The following ARSG variants were observed in gnomAD, a reference collection of about 807,000 sequenced individuals.
ARSG encodes the protein ASG.
In ARSG, 37 loss-of-function variants were observed where a neutral mutation model predicts 50.5. The observed-to-expected ratio is 0.73, with a 90% CI of 0.56 to 0.96. The LOEUF (loss-of-function observed/expected upper bound fraction) is 0.96, where lower values mean the gene tolerates loss of function less well. Ranked by LOEUF, ARSG falls within the 50% of genes least tolerant of loss-of-function variation. The probability of loss-of-function intolerance (pLI) is 0.00; values close to 1 mark genes in which losing one functional copy is unlikely to be tolerated. For missense variants in ARSG, 629 were observed against 675.3 expected (o/e 0.93, Z 0.76); for synonymous variants, 225 against 254.6 (o/e 0.88, Z 1.11).
rs781947096 is a variant in ARSG at position 68,271,377 on chromosome 17, C to T, written c.-552+11951C>T. The T allele has an allele frequency of 9.3e-6, 15 of 1,614,122 alleles. No individual in the cohort carries two copies. The highest frequency in any genetic ancestry group is 4.5e-5 in the East Asian group (2 of 44,896). ...CCAGGACCTGCTGCATGTCGGCCTT[C>T]GGCTCCAGTTCCAGGTTAGTGTGAG... On this transcript the variant is annotated intron_variant, in intron 1 of 11. Coordinates refer to the ARSG transcript ENST00000448504. The surrounding 1 kb of genome is among the most constrained non-coding windows in gnomAD (Gnocchi z 5.3).
the ARSG span, among the ~76,000 whole-genome samples, chr17:68,435,115 G>A: frequency 6.6e-6 from 1 of 151,696 alleles, no homozygotes; most frequent in Non-Finnish European, 1.5e-5. Flanking sequence ...GCTGAGGCAG[G>A]AGAATCACTT....
At chr17:68,390,567 G>T (rs2080943585) in intron 9 of ARSG, among the ~76,000 whole-genome samples, 1 of 152,012 alleles carries the variant, frequency 6.6e-6, no homozygotes, top group South Asian at 2.1e-4. Context: ...TCCCATCAGA[G>T]GCTGGGAACC....
chr17:68,439,266 G>A, the ARSG span, among the ~76,000 whole-genome samples: 1 of 152,132 alleles, frequency 6.6e-6, no homozygotes, highest in African/African-American at 2.4e-5. Context: ...AAGAAAATGT[G>A]ATATATTTTT....
intron 9 of ARSG, among the ~76,000 whole-genome samples, 177 bp from the exon 10 acceptor site, chr17:68,394,896 T>C (rs2081165161): frequency 6.6e-6 from 1 of 152,110 alleles, no homozygotes; most frequent in Non-Finnish European, 1.5e-5. Flanking sequence ...CTGCCTCTTG[T>C]AGGAGCAGAA....
rs781839382 is a variant in ARSG at position 68,307,498 on chromosome 17, G to C, written c.5G>C (p.Gly2Ala). The C allele has an allele frequency of 6.2e-7, 1 of 1,613,320 alleles. No individual in the cohort carries two copies. Among genetic ancestry groups the C allele is most frequent in the Non-Finnish European group, 8.5e-7 (1 of 1,179,456 alleles). MGWLFLKVLLAG... is the reference protein window; with the variant it reads MAWLFLKVLLAG... ...CGGAATCCTGCCTTCACCACCATGG[G>C]CTGGCTTTTTCTAAAGGTTTTGTTG... The change falls in exon 2 of 12, where the codon GGC (glycine) becomes GCC (alanine). Residue 2 changes from glycine to alanine, a missense_variant. Gly to Ala is a moderately conservative substitution (Grantham distance 60). Transcript: ENST00000621439.
intron 2 of ARSG, among the ~76,000 whole-genome samples, chr17:68,326,507 A>G (rs116363297): frequency 6.6e-6 from 1 of 152,090 alleles, no homozygotes; most frequent in African/African-American, 2.4e-5. Context: ...TCTACTCTAA[A>G]TACAAAAATT....
chr17:68,291,303 C>G (rs1434379811), upstream of ARSG: 1 of 146,466 alleles, frequency 6.8e-6, no homozygotes, highest in African/African-American at 2.5e-5. Context: ...ACCCTCCCCC[C>G]GCCCCCCACC....
Position 68,271,788 on chromosome 17 carries a change from A to G in ARSG, c.-552+12362A>G, listed in dbSNP as rs2075348227. The G allele has an allele frequency of 4.5e-6, 3 of 668,650 alleles. No individual in the cohort carries two copies. Among genetic ancestry groups the G allele is most frequent in the African/African-American group, 3.6e-5 (2 of 54,832 alleles). 41.4% of individuals were successfully genotyped at this position (668,650 alleles called of 1,614,324 possible). ...GTGGAAATTTATTATACTCAGCAGTATGAATGTACTCAATCTTTATTTATT... is the reference window on the plus strand; with the variant it reads ...GTGGAAATTTATTATACTCAGCAGTGTGAATGTACTCAATCTTTATTTATT... On this transcript the variant is annotated intron_variant, in intron 1 of 11. Transcript: ENST00000448504. The surrounding 1 kb of genome is among the most constrained non-coding windows in gnomAD (Gnocchi z 5.3).
chr17:68,288,634 T>C (rs978411015), upstream of ARSG, among the ~76,000 whole-genome samples: 3 of 152,100 alleles, frequency 2.0e-5, no homozygotes, highest in African/African-American at 7.2e-5. Flanking sequence ...AAAAAGGGAG[T>C]TGAACTAGAC....
chr17:68,412,115 T>C (rs1284267338), intron 11 of ARSG, among the ~76,000 whole-genome samples: 2 of 151,946 alleles, frequency 1.3e-5, no homozygotes, highest in African/African-American at 4.9e-5. Context: ...ATTTAGTCCA[T>C]TTACATTTAA....
chr17:68,292,011 C>T (rs570721339), intron 1 of ARSG, among the ~76,000 whole-genome samples: 1 of 152,202 alleles, frequency 6.6e-6, no homozygotes, highest in South Asian at 2.1e-4. Context: ...CCTGCAGCGC[C>T]CACTTCCCCC....
chr17:68,278,218 C>T (rs1555751655), intron 1 of ARSG: 1 of 1,614,166 alleles, frequency 6.2e-7, no homozygotes, highest in South Asian at 1.1e-5. Context: ...GTGAAGACTT[C>T]AACGAAGAAA....
intron 1 of ARSG, among the ~76,000 whole-genome samples, chr17:68,302,384 C>T (rs1056282225): frequency 5.3e-5 from 8 of 152,108 alleles, no homozygotes; most frequent in Non-Finnish European, 1.2e-4. Context: ...AAGGTCTGCC[C>T]GACCTTCTTG....
chr17:68,423,542 C>G (rs755975711), downstream of ARSG, among the ~76,000 whole-genome samples: 1 of 152,164 alleles, frequency 6.6e-6, no homozygotes, highest in African/African-American at 2.4e-5. The surrounding 1 kb of genome is among the most constrained non-coding windows in gnomAD (Gnocchi z 4.4). Flanking sequence ...GTTCAGTGAC[C>G]ACTCTCACTG....
At chr17:68,326,440 A>T (rs1317864815) in intron 2 of ARSG, among the ~76,000 whole-genome samples, 1 of 152,174 alleles carries the variant, frequency 6.6e-6, no homozygotes, top group African/African-American at 2.4e-5. Flanking sequence ...GCCCAGGTGG[A>T]TGGATCTTGA....
At chr17:68,346,822 T>C (rs1278510174) in intron 3 of ARSG, 1 of 1,354,658 alleles carries the variant, frequency 7.4e-7, no homozygotes, top group Non-Finnish European at 9.7e-7. Flanking sequence ...GGGGTTGCTG[T>C]GTCTGTGGAG....
intron 2 of ARSG, among the ~76,000 whole-genome samples, chr17:68,342,179 T>C (rs1487983979): frequency 3.9e-5 from 6 of 152,132 alleles, no homozygotes; most frequent in Non-Finnish European, 8.8e-5. Context: ...GAGTACTGAA[T>C]TGGGGAATAC....
At chr17:68,264,548 T>G (rs2075122480) in intron 1 of ARSG, among the ~76,000 whole-genome samples, 1 of 151,968 alleles carries the variant, frequency 6.6e-6, no homozygotes, top group Non-Finnish European at 1.5e-5. Flanking sequence ...CAAGTGATTC[T>G]CCTGTCAGCC....
At chr17:68,332,239 G>A (rs1188245156) in intron 2 of ARSG, among the ~76,000 whole-genome samples, 1 of 152,176 alleles carries the variant, frequency 6.6e-6, no homozygotes, top group Admixed American at 6.5e-5. Context: ...AAAGAATTCA[G>A]CGATATTTCT....
Sources: gnomAD v4.1 joint callset for allele counts (sites outside exome capture counted in the v4.1 genomes callset) on GRCh38, gnomAD v4.1.1 for gene constraint, Gnocchi (gnomAD v3.1) non-coding constraint, MANE v1.5 for transcripts, NCBI Gene and HGNC (gene_info 2026-07-23, HGNC 2026-07-21) for gene names.